RUFY3: variants seen among roughly 807,000 people sequenced by gnomAD.
The protein encoded by RUFY3 is RUN and FYVE domain containing 3, also known as protein RUFY3.
A neutral mutation model predicts 84.0 loss-of-function variants in RUFY3; 34 were observed. That is an observed-to-expected ratio of 0.40 (90% CI 0.31 to 0.54). RUFY3 has a LOEUF of 0.54. Ranked by LOEUF, RUFY3 falls within the 20% of genes least tolerant of loss-of-function variation. The pLI is 0.39. For synonymous variants in RUFY3, 242 were observed against 252.9 expected (o/e 0.96, Z 0.41); for missense variants, 507 against 736.8 (o/e 0.69, Z 3.61).
chr4:70,778,573 CTTT>C (rs377520137), intron 8 of RUFY3, 135 bp downstream of exon 8: 1,657 of 151,082 alleles, frequency 0.011, no homozygotes, highest in South Asian at 0.021. Context: ...ACTTCTTATT[CTTT>C]TTTTTTTTTT....
chr4:70,793,738 A>G (rs755768945), intron 12 of RUFY3, 47 bp from the exon 13 acceptor site: 16 of 1,613,340 alleles, frequency 9.9e-6, no homozygotes, highest in Non-Finnish European at 1.2e-5. Context: ...CTTCTTCCCC[A>G]CCATGGCTTT....
intron 17 of RUFY3, 99 bp from the exon 18 acceptor site, chr4:70,806,417 A>C (rs1732853134): frequency 7.6e-7 from 1 of 1,319,920 alleles, no homozygotes; most frequent in African/African-American, 1.4e-5. Flanking sequence ...TCATTGTTTG[A>C]TTAGGCATTG....
intron 16 of RUFY3, 59 bp from the exon 17 acceptor site, chr4:70,804,289 C>A: frequency 7.2e-7 from 1 of 1,383,748 alleles, no homozygotes; most frequent in Non-Finnish European, 1.0e-6. Context: ...AATGCATATT[C>A]TGAAAGTACT....
At chr4:70,736,167 AAAG>A (rs1177488880) in intron 1 of RUFY3, among the ~76,000 whole-genome samples, 5 of 151,828 alleles carry the variant, frequency 3.3e-5, no homozygotes, top group Non-Finnish European at 7.4e-5. Context: ...AAAAAAAAAA[AAAG>A]AAAAGAAAAG....
At chr4:70,718,391 AT>A (rs1402472115), upstream of RUFY3, among the ~76,000 whole-genome samples, 1 of 152,166 alleles carries the variant, frequency 6.6e-6, no homozygotes, top group Non-Finnish European at 1.5e-5. Context: ...TGAATCCATC[AT>A]AATGTGGAAA....
intron 1 of RUFY3, among the ~76,000 whole-genome samples, chr4:70,723,081 T>C (rs1389976982): frequency 6.6e-6 from 1 of 152,180 alleles, no homozygotes; most frequent in Non-Finnish European, 1.5e-5. Flanking sequence ...TGTTCATATA[T>C]GAAAATGTTA....
intron 5 of RUFY3, among the ~76,000 whole-genome samples, chr4:70,773,059 C>T (rs1177292962): frequency 6.6e-6 from 1 of 152,132 alleles, no homozygotes. Context: ...GGAACAGACA[C>T]CAAAATATTA....
chr4:70,791,679 A>C, intron 12 of RUFY3: 2 of 1,022,686 alleles, frequency 2.0e-6, no homozygotes, highest in South Asian at 8.1e-5. Context: ...TGCATTGTTC[A>C]TGTCTGTATC....
At chr4:70,734,162 A>G (rs1719903262) in intron 1 of RUFY3, among the ~76,000 whole-genome samples, 2 of 152,038 alleles carry the variant, frequency 1.3e-5, no homozygotes, top group Admixed American at 6.6e-5. Flanking sequence ...CTCTGTTTTC[A>G]TAGCTGTTTA....
chr4:70,704,779 G>C (rs1023327124), upstream of RUFY3: 1 of 443,500 alleles, frequency 2.3e-6, no homozygotes, highest in African/African-American at 2.1e-5. Context: ...TGGGCCGAGC[G>C]GCGGAGCCCA....
chr4:70,800,440 A>T (rs1405750740), intron 15 of RUFY3, among the ~76,000 whole-genome samples: 5 of 152,250 alleles, frequency 3.3e-5, no homozygotes, highest in Non-Finnish European at 5.9e-5. Flanking sequence ...CTCTTCCCTG[A>T]TTAATTCCCA....
intron 12 of RUFY3, chr4:70,791,109 A>C: frequency 1.2e-6 from 1 of 808,430 alleles, no homozygotes; most frequent in Non-Finnish European, 2.0e-6. Context: ...CAGAAAGAGA[A>C]TAATGACTTA....
intron 4 of RUFY3, among the ~76,000 whole-genome samples, chr4:70,767,605 A>G (rs1256248218): frequency 6.6e-6 from 1 of 152,148 alleles, no homozygotes; most frequent in African/African-American, 2.4e-5. Flanking sequence ...CATATGAATT[A>G]CATCACTGGT....
At position 70,727,136 on chromosome 4, in the gene RUFY3, A is replaced by T. The variant is rs180912510; in HGVS notation, c.178+4385A>T. The stretch of plus-strand genomic sequence containing the variant: ...AAGCACCATGAAAATTTTAGAGAAC[A>T]TGTGTTCTCTGTTTTTTTCAAGAAT... On this transcript the variant is annotated intron_variant, in intron 1 of 17. Coordinates refer to ENST00000381006, the MANE Select transcript of RUFY3 (RefSeq NM_001037442.4). Among the ~76,000 whole-genome samples the T allele has an allele frequency of 2.0e-5, 3 of 149,960 alleles. No homozygotes were observed. In the South Asian group the frequency reaches 6.3e-4, roughly 32 times the overall value.
intron 9 of RUFY3, among the ~76,000 whole-genome samples, chr4:70,784,478 G>A (rs1313432029): frequency 1.3e-5 from 2 of 150,782 alleles, no homozygotes; most frequent in Non-Finnish European, 3.0e-5. Flanking sequence ...GTGAGACTCC[G>A]TCTCAAAAAA....
rs1217738238 is a variant in RUFY3 at position 70,789,602 on chromosome 4, C to T, written c.1337+10C>T. 1 of 1,609,648 alleles carries T rather than the reference C, an allele frequency of 6.2e-7. No homozygotes were observed. Among genetic ancestry groups the T allele is most frequent in the Non-Finnish European group, 8.5e-7 (1 of 1,178,058 alleles). On this transcript the variant is annotated intron_variant, in intron 12 of 17. Transcript: ENST00000381006. ...AACAACTTGAACAAAGGTAAAAGTC[C>T]TGTTTCTTTAATGAAACACTTTGGA...
upstream of RUFY3, among the ~76,000 whole-genome samples, chr4:70,719,495 A>G (rs77700417): frequency 2.2e-3 from 337 of 152,312 alleles, 1 homozygote; most frequent in African/African-American, 7.8e-3. Flanking sequence ...CCAGACAATC[A>G]CATGGCATTC....
At chr4:70,716,168 C>T (rs1211209348) in intron 1 of RUFY3, among the ~76,000 whole-genome samples, 2 of 151,578 alleles carry the variant, frequency 1.3e-5, no homozygotes, top group Admixed American at 6.6e-5. Context: ...TTTTTTGAGA[C>T]GGAGTCTCTC....
At chr4:70,744,684 C>G (rs1253451136) in intron 1 of RUFY3, among the ~76,000 whole-genome samples, 1 of 118,152 alleles carries the variant, frequency 8.5e-6, no homozygotes, top group Non-Finnish European at 1.8e-5. Context: ...GATGGAGTTT[C>G]GCTCTTGTTG....
Sources: gnomAD v4.1 joint callset for allele counts (sites outside exome capture counted in the v4.1 genomes callset) on GRCh38, gnomAD v4.1.1 for gene constraint, MANE v1.5 for transcripts, NCBI Gene and HGNC (gene_info 2026-07-23, HGNC 2026-07-21) for gene names.